The following CD163L1 variants were observed in gnomAD, a reference collection of about 807,000 sequenced individuals.
CD163L1 encodes the protein scavenger receptor cysteine-rich type 1 protein M160.
Under a neutral mutation model 165.4 loss-of-function variants are expected in CD163L1, and 124 were observed. The ratio of observed to expected loss-of-function variants is 0.75; its 90% CI spans 0.65 to 0.87. CD163L1 has a LOEUF of 0.87. CD163L1 is among the 40% of genes least tolerant of loss of function. The pLI, the probability that CD163L1 is intolerant of heterozygous loss-of-function variation, is 0.00. For missense variants in CD163L1, 1,525 were observed against 1,799.9 expected (o/e 0.85, Z 2.76); for synonymous variants, 585 against 662.2 (o/e 0.88, Z 1.79).
rs1316995476 is a variant in CD163L1, at chr12:7,388,469, A to G, written c.2050+7626T>C. Among the ~76,000 whole-genome samples the G allele has an allele frequency of 3.9e-5, 6 of 152,194 alleles. No homozygotes were observed. In the East Asian group the frequency reaches 9.6e-4, roughly 24 times the overall value. On this transcript the variant is annotated intron_variant, in intron 8 of 19. Coordinates refer to ENST00000313599, the MANE Select transcript of CD163L1 (RefSeq NM_174941.6). ...CCATTACAAAGTGGGCAGGCTGGAC[A>G]TGGTGGCTCAAGCCTATAATCCCAG...
chr12:7,397,154 A>G (rs548635859), intron 7 of CD163L1, among the ~76,000 whole-genome samples: 1 of 152,174 alleles, frequency 6.6e-6, no homozygotes, highest in Non-Finnish European at 1.5e-5. Flanking sequence ...CTAATCAAAT[A>G]CTTACAGTAG....
chr12:7,379,432 GTTTAAT>G (rs1947341010), intron 8 of CD163L1, 134 bp from the exon 9 acceptor site: 1 of 787,868 alleles, frequency 1.3e-6, no homozygotes, highest in Admixed American at 3.1e-5. Flanking sequence ...CTTCACCAGT[GTTTAAT>G]TTTATTTTTT....
At chr12:7,396,520 T>A in intron 7 of CD163L1, 105 bp from the exon 8 acceptor site, 2 of 1,062,002 alleles carry the variant, frequency 1.9e-6, no homozygotes, top group Non-Finnish European at 2.7e-6. Context: ...AACACCAGTC[T>A]AGATGGTGCT....
At chr12:7,381,539 G>A (rs761940952) in intron 8 of CD163L1, among the ~76,000 whole-genome samples, 5 of 152,170 alleles carry the variant, frequency 3.3e-5, no homozygotes, top group African/African-American at 9.7e-5. Flanking sequence ...TGAAACATGA[G>A]TCAAGATCTG....
intron 4 of CD163L1, among the ~76,000 whole-genome samples, chr12:7,409,069 C>G (rs1948083005): frequency 6.6e-6 from 1 of 152,050 alleles, no homozygotes; most frequent in Admixed American, 6.5e-5. Flanking sequence ...GTTTATAAAC[C>G]TACAGATGGA....
In CD163L1 at chr12:7,367,248, T is replaced by TCCCA; in HGVS notation, c.4263_4266dup (p.Thr1423TrpfsTer7). 1 of 1,612,234 alleles carries TCCCA rather than the reference T, an allele frequency of 6.2e-7. No homozygotes were observed. The highest frequency in any genetic ancestry group is 1.1e-5 in the South Asian group (1 of 90,968). Reference sequence around the variant, plus strand: ...GAGTTGCACAGACCTGAGGTTCTTGTCCCATGTGGGTCCTCTCTCTTGAGG... The same window carrying TCCCA: ...GAGTTGCACAGACCTGAGGTTCTTGTCCCACCCATGTGGGTCCTCTCTCTTGAGG... On this transcript the variant is annotated frameshift_variant, in exon 18 of 20. Coordinates refer to ENST00000313599, the MANE Select transcript of CD163L1 (RefSeq NM_174941.6). LOFTEE classifies it high-confidence loss of function.
At chr12:7,427,568 G>A (rs1260390209) in intron 4 of CD163L1, among the ~76,000 whole-genome samples, 1 of 152,064 alleles carries the variant, frequency 6.6e-6, no homozygotes, top group Non-Finnish European at 1.5e-5. Flanking sequence ...GGCCTTGATG[G>A]TGGCGATGGG....
At chr12:7,349,812 A>T (rs1233616215) in intron 4 of CD163L1, among the ~76,000 whole-genome samples, 1 of 152,224 alleles carries the variant, frequency 6.6e-6, no homozygotes, top group East Asian at 1.9e-4. Flanking sequence ...GATGTTTTCA[A>T]AGTAGTTAGG....
At chr12:7,412,510 C>A (rs1011368674) in intron 4 of CD163L1, among the ~76,000 whole-genome samples, 2 of 151,922 alleles carry the variant, frequency 1.3e-5, no homozygotes, top group African/African-American at 4.8e-5. Flanking sequence ...TTTGTATATG[C>A]ATAATAAAAA....
At chr12:7,335,275 T>C in the CD163L1 span, among the ~76,000 whole-genome samples, 1 of 152,214 alleles carries the variant, frequency 6.6e-6, no homozygotes, top group African/African-American at 2.4e-5. Context: ...AACAGCATGG[T>C]ACTGGTACCA....
At chr12:7,392,621 T>C (rs753373206) in intron 8 of CD163L1, among the ~76,000 whole-genome samples, 3 of 151,932 alleles carry the variant, frequency 2.0e-5, no homozygotes, top group Non-Finnish European at 4.4e-5. Context: ...CTTCAAAAAA[T>C]CAATGAATCC....
the CD163L1 span, among the ~76,000 whole-genome samples, chr12:7,334,367 T>A: frequency 6.6e-6 from 1 of 152,144 alleles, no homozygotes; most frequent in South Asian, 2.1e-4. Flanking sequence ...ATCCAGCATA[T>A]AAACAGAACC....
At chr12:7,375,114 A>G (rs1198191795) in intron 11 of CD163L1, among the ~76,000 whole-genome samples, 167 bp downstream of exon 11, 1 of 152,102 alleles carries the variant, frequency 6.6e-6, no homozygotes, top group Admixed American at 6.5e-5. Context: ...TCCCCTTAGG[A>G]ATGGTCCTAG....
At chr12:7,435,538 T>C (rs1382005331) in intron 2 of CD163L1, among the ~76,000 whole-genome samples, 2 of 151,990 alleles carry the variant, frequency 1.3e-5, no homozygotes, top group Admixed American at 6.6e-5. Flanking sequence ...TTATACTCTC[T>C]TGATTGGCAA....
At chr12:7,379,895 A>T (rs747522756) in intron 8 of CD163L1, among the ~76,000 whole-genome samples, 28 of 151,726 alleles carry the variant, frequency 1.8e-4, no homozygotes, top group Non-Finnish European at 3.5e-4. Context: ...AAAAATGCTC[A>T]TCATCACTAA....
chr12:7,326,562 C>T, the CD163L1 span, among the ~76,000 whole-genome samples: 1 of 152,118 alleles, frequency 6.6e-6, no homozygotes, highest in Non-Finnish European at 1.5e-5. Flanking sequence ...CGTTGAGACC[C>T]TCCAAACTGC....
At chr12:7,407,510 C>T (rs1948049155) in intron 4 of CD163L1, among the ~76,000 whole-genome samples, 1 of 151,672 alleles carries the variant, frequency 6.6e-6, no homozygotes, top group South Asian at 2.1e-4. Context: ...AAAGTCTCAG[C>T]CTTTCCTTAT....
chr12:7,319,892 T>C, the CD163L1 span, among the ~76,000 whole-genome samples: 1 of 152,256 alleles, frequency 6.6e-6, no homozygotes, highest in Non-Finnish European at 1.5e-5. Flanking sequence ...GTATTTTAAG[T>C]GCTATAAAAA....
chr12:7,350,972 ATAT>A (rs928815802), downstream of CD163L1, among the ~76,000 whole-genome samples: 1 of 152,164 alleles, frequency 6.6e-6, no homozygotes, highest in African/African-American at 2.4e-5. Context: ...CAAAAATATA[ATAT>A]TATGCAAAGT....
Sources: gnomAD v4.1 joint callset for allele counts (sites outside exome capture counted in the v4.1 genomes callset) on GRCh38, gnomAD v4.1.1 for gene constraint, MANE v1.5 for transcripts, NCBI Gene and HGNC (gene_info 2026-07-23, HGNC 2026-07-21) for gene names.